Variants in TENM3 observed in about 807,000 individuals in gnomAD.
TENM3 encodes the protein teneurin-3.
Under a neutral mutation model 255.1 loss-of-function variants are expected in TENM3, and 63 were observed. The ratio of observed to expected loss-of-function variants is 0.25; its 90% CI spans 0.20 to 0.30. The LOEUF (loss-of-function observed/expected upper bound fraction) is 0.30. Ranked by LOEUF, TENM3 falls within the 10% of genes least tolerant of loss-of-function variation. TENM3 has a pLI of 1.00. For missense variants in TENM3, 2,929 were observed against 3,461.1 expected (o/e 0.85, Z 3.86); for synonymous variants, 1,306 against 1,322.3 (o/e 0.99, Z 0.27).
chr4:181,501,243 G>T, the TENM3 span, among the ~76,000 whole-genome samples: 1 of 152,170 alleles, frequency 6.6e-6, no homozygotes, highest in Non-Finnish European at 1.5e-5. Flanking sequence ...GATGACTTGA[G>T]GACACAGAGG....
chr4:182,449,708 T>A (rs1217882541), intron 3 of TENM3, among the ~76,000 whole-genome samples: 1 of 152,240 alleles, frequency 6.6e-6, no homozygotes, highest in Non-Finnish European at 1.5e-5. Flanking sequence ...ATAAGCTTGC[T>A]CATTAAAGAG....
the TENM3 span, among the ~76,000 whole-genome samples, chr4:181,632,657 A>G: frequency 1.1e-4 from 17 of 152,278 alleles, 1 homozygote; most frequent in Admixed American, 9.8e-4. Flanking sequence ...TTTCTGCCTC[A>G]GTGTGAATCA....
At chr4:181,713,871 G>A in the TENM3 span, among the ~76,000 whole-genome samples, 1 of 152,172 alleles carries the variant, frequency 6.6e-6, no homozygotes, top group African/African-American at 2.4e-5. Context: ...GGTGATCAAG[G>A]TACCCTTAGC....
chr4:182,467,567 A>T (rs539099753), intron 3 of TENM3, among the ~76,000 whole-genome samples: 68 of 152,290 alleles, frequency 4.5e-4, no homozygotes, highest in Non-Finnish European at 8.7e-4. Context: ...TATGTTCCCG[A>T]GGAATGATGC....
chr4:182,460,255 A>T (rs1226403320), intron 3 of TENM3, among the ~76,000 whole-genome samples: 1 of 152,196 alleles, frequency 6.6e-6, no homozygotes. Context: ...TGAATTATTT[A>T]TCTATGTCTT....
chr4:182,510,145 C>T (rs1289604738), intron 3 of TENM3, among the ~76,000 whole-genome samples: 1 of 152,156 alleles, frequency 6.6e-6, no homozygotes, highest in Non-Finnish European at 1.5e-5. Context: ...ACTGCTACCA[C>T]CATAGTTCAG....
At chr4:182,289,559 T>G (rs191970893) in intron 1 of TENM3, among the ~76,000 whole-genome samples, 1 of 152,238 alleles carries the variant, frequency 6.6e-6, no homozygotes, top group African/African-American at 2.4e-5. Flanking sequence ...CTAAATCTTA[T>G]TGAGGGAAAC....
At chr4:181,946,337 A>G in the TENM3 span, among the ~76,000 whole-genome samples, 1 of 152,270 alleles carries the variant, frequency 6.6e-6, no homozygotes, top group East Asian at 1.9e-4. Flanking sequence ...CCAAAAATAG[A>G]TGTTATCTTT....
At chr4:181,516,598 C>T in the TENM3 span, among the ~76,000 whole-genome samples, 13 of 151,962 alleles carry the variant, frequency 8.6e-5, no homozygotes, top group African/African-American at 2.7e-4. Flanking sequence ...CTGACCAACA[C>T]GGAGAAACCC....
the TENM3 span, among the ~76,000 whole-genome samples, chr4:181,736,060 G>A: frequency 6.6e-6 from 1 of 152,138 alleles, no homozygotes; most frequent in Non-Finnish European, 1.5e-5. Context: ...CACTTTGGGA[G>A]GCCAAAGCGG....
intron 1 of TENM3, among the ~76,000 whole-genome samples, chr4:182,223,282 C>T (rs762599368): frequency 1.3e-5 from 2 of 152,146 alleles, no homozygotes; most frequent in Non-Finnish European, 1.5e-5. Context: ...ATTTTCTCCT[C>T]AGAATTGATT....
chr4:181,563,920 A>G, the TENM3 span, among the ~76,000 whole-genome samples: 1 of 152,150 alleles, frequency 6.6e-6, no homozygotes, highest in Non-Finnish European at 1.5e-5. Flanking sequence ...GATCTTGTCT[A>G]ACATTCATTG....
the TENM3 span, among the ~76,000 whole-genome samples, chr4:181,762,089 A>G: frequency 6.6e-6 from 1 of 152,176 alleles, no homozygotes; most frequent in Non-Finnish European, 1.5e-5. Flanking sequence ...TCAATATCAT[A>G]GCTATTAGGA....
At chr4:181,612,323 G>A in the TENM3 span, among the ~76,000 whole-genome samples, 15 of 152,108 alleles carry the variant, frequency 9.9e-5, no homozygotes, top group African/African-American at 3.4e-4. Flanking sequence ...TCCCATCACC[G>A]TTGGGACCAT....
chr4:182,736,264 G>T (rs1761154075), intron 16 of TENM3, among the ~76,000 whole-genome samples: 1 of 152,310 alleles, frequency 6.6e-6, no homozygotes. Flanking sequence ...GCCAGCTGAT[G>T]AGGCTATAGG....
chr4:182,382,473 A>G (rs927208963), intron 3 of TENM3, among the ~76,000 whole-genome samples: 4 of 152,126 alleles, frequency 2.6e-5, no homozygotes, highest in Non-Finnish European at 4.4e-5. Flanking sequence ...CGCCTCTCTC[A>G]TTCACACTGC....
chr4:181,730,799 A>G, the TENM3 span, among the ~76,000 whole-genome samples: 1 of 152,206 alleles, frequency 6.6e-6, no homozygotes, highest in South Asian at 2.1e-4. Context: ...TGGCTAATGC[A>G]GCTCCAAAAA....
At chr4:181,911,707 C>T in the TENM3 span, among the ~76,000 whole-genome samples, 1 of 152,126 alleles carries the variant, frequency 6.6e-6, no homozygotes, top group African/African-American at 2.4e-5. Context: ...CACATATTTG[C>T]TGAGTCTAAT....
chr4:181,625,820 AAATAATAATAATAAC>A, the TENM3 span, among the ~76,000 whole-genome samples: 3 of 147,784 alleles, frequency 2.0e-5, no homozygotes, highest in Non-Finnish European at 4.5e-5. Context: ...TCTCAAAAAA[AAATAATAATAATAAC>A]AATAATAATA....
Sources: allele counts gnomAD v4.1 joint callset (sites outside exome capture counted in the v4.1 genomes callset), GRCh38; gene constraint gnomAD v4.1.1; transcripts MANE v1.5; gene names NCBI Gene and HGNC (gene_info 2026-07-23, HGNC 2026-07-21).